The following DLG2 variants were observed in gnomAD, a reference collection of about 807,000 sequenced individuals.
The protein encoded by DLG2 is discs large MAGUK scaffold protein 2.
In DLG2, 45 loss-of-function variants were observed where a neutral mutation model predicts 132.5. The ratio of observed to expected loss-of-function variants is 0.34; its 90% confidence interval spans 0.27 to 0.44. The LOEUF is 0.44. Ranked by LOEUF, DLG2 falls within the 20% of genes least tolerant of loss-of-function variation. DLG2 has a pLI of 1.00. For synonymous variants in DLG2, 424 were observed against 419.6 expected (o/e 1.01, Z -0.13); for missense variants, 1,045 against 1,196.9 (o/e 0.87, Z 1.87).
At chr11:85,178,512 A>T (rs954429650) in intron 4 of DLG2, among the ~76,000 whole-genome samples, 3 of 152,008 alleles carry the variant, frequency 2.0e-5, no homozygotes, top group Non-Finnish European at 4.4e-5. Flanking sequence ...TAGCAAAATT[A>T]GTAATCAGAA....
At chr11:84,591,217 G>GTCTC (rs200688383) in intron 6 of DLG2, among the ~76,000 whole-genome samples, 3 of 138,390 alleles carry the variant, frequency 2.2e-5, no homozygotes, top group Non-Finnish European at 4.6e-5. Context: ...CTATATATGT[G>GTCTC]TCTCTCTGTG....
chr11:85,430,838 G>T (rs1264185993), intron 3 of DLG2, among the ~76,000 whole-genome samples: 1 of 115,744 alleles, frequency 8.6e-6, no homozygotes, highest in Non-Finnish European at 1.8e-5. Context: ...TAATGGAAAA[G>T]CTAGCCAGTC....
intron 6 of DLG2, among the ~76,000 whole-genome samples, chr11:84,704,571 A>C (rs1596103137): frequency 6.6e-6 from 1 of 151,560 alleles, no homozygotes; most frequent in Non-Finnish European, 1.5e-5. Flanking sequence ...GTAAAGATAT[A>C]CATAAATAAG....
intron 22 of DLG2, among the ~76,000 whole-genome samples, chr11:83,477,488 C>A (rs1267275729): frequency 6.6e-6 from 1 of 151,994 alleles, no homozygotes; most frequent in Non-Finnish European, 1.5e-5. Flanking sequence ...TTGTGTGTAT[C>A]TATGTGTGTG....
chr11:84,532,547 G>C (rs1385975216), intron 7 of DLG2, among the ~76,000 whole-genome samples: 1 of 152,084 alleles, frequency 6.6e-6, no homozygotes, highest in African/African-American at 2.4e-5. Context: ...CCAGGCTGTA[G>C]TGCAGTGGCG....
At chr11:84,843,499 C>A (rs1224436407) in intron 6 of DLG2, among the ~76,000 whole-genome samples, 1 of 151,888 alleles carries the variant, frequency 6.6e-6, no homozygotes, top group African/African-American at 2.4e-5. Flanking sequence ...CCATCATCAT[C>A]ATCATTATTC....
chr11:84,317,417 T>C, intron 7 of DLG2: 4 of 1,257,886 alleles, frequency 3.2e-6, no homozygotes, highest in Non-Finnish European at 3.1e-6. Context: ...GCAGAAGCAA[T>C]CAATGCTCCA....
chr11:85,276,787 C>T (rs2077918049), intron 4 of DLG2, among the ~76,000 whole-genome samples: 1 of 152,118 alleles, frequency 6.6e-6, no homozygotes, highest in Non-Finnish European at 1.5e-5. Flanking sequence ...ACTTCATAAA[C>T]ATTTATTGAA....
intron 3 of DLG2, among the ~76,000 whole-genome samples, chr11:85,524,394 TTAAAAA>T (rs2074577999): frequency 1.3e-5 from 2 of 151,430 alleles, no homozygotes; most frequent in South Asian, 4.2e-4. Flanking sequence ...CCCACAAAAA[TTAAAAA>T]TAAAAATAAA....
At chr11:84,153,573 G>A (rs2095357106) in intron 9 of DLG2, among the ~76,000 whole-genome samples, 1 of 151,960 alleles carries the variant, frequency 6.6e-6, no homozygotes, top group African/African-American at 2.4e-5. Flanking sequence ...TTGTCTGACT[G>A]TGTTGATTCA....
At chr11:84,947,323 T>C (rs762541411) in intron 6 of DLG2, among the ~76,000 whole-genome samples, 56 of 152,216 alleles carry the variant, frequency 3.7e-4, no homozygotes, top group Non-Finnish European at 6.6e-4. Context: ...CCACTGCCTC[T>C]TCCCAATAGA....
chr11:84,998,788 A>G (rs2057932586), intron 6 of DLG2, among the ~76,000 whole-genome samples: 1 of 151,938 alleles, frequency 6.6e-6, no homozygotes. Context: ...CCAACTGCCC[A>G]CCATGTATGG....
chr11:85,500,234 C>G (rs1397892963), intron 3 of DLG2, among the ~76,000 whole-genome samples: 1 of 152,052 alleles, frequency 6.6e-6, no homozygotes, highest in South Asian at 2.1e-4. Flanking sequence ...AGTTAATAAG[C>G]AACTTCAGCA....
At chr11:83,663,268 T>C (rs774837217) in intron 18 of DLG2, among the ~76,000 whole-genome samples, 17 of 152,072 alleles carry the variant, frequency 1.1e-4, no homozygotes, top group Non-Finnish European at 1.9e-4. Context: ...GATCTGAGAG[T>C]AGAGCCCTGG....
intron 19 of DLG2, among the ~76,000 whole-genome samples, chr11:83,553,986 C>A (rs772058153): frequency 6.7e-6 from 1 of 150,198 alleles, no homozygotes; most frequent in Non-Finnish European, 1.5e-5. Context: ...AACTTGAACT[C>A]TGGGGCTCAA....
intron 7 of DLG2, among the ~76,000 whole-genome samples, chr11:84,307,209 C>T (rs1199044510): frequency 6.6e-6 from 1 of 152,180 alleles, no homozygotes; most frequent in African/African-American, 2.4e-5. Context: ...AACATAGATG[C>T]AGCTGGAGGT....
At chr11:85,383,897 A>C (rs1198821607) in intron 3 of DLG2, among the ~76,000 whole-genome samples, 1 of 152,064 alleles carries the variant, frequency 6.6e-6, no homozygotes, top group Non-Finnish European at 1.5e-5. Flanking sequence ...GGCTTTCTTA[A>C]ATGTGCTCCA....
At chr11:85,067,078 A>G (rs1198462828) in intron 6 of DLG2, among the ~76,000 whole-genome samples, 1 of 151,684 alleles carries the variant, frequency 6.6e-6, no homozygotes, top group East Asian at 1.9e-4. Context: ...CACTACATTA[A>G]AAAGACCTGC....
chr11:84,197,972 A>G (rs1394295810), intron 8 of DLG2, among the ~76,000 whole-genome samples: 1 of 152,186 alleles, frequency 6.6e-6, no homozygotes, highest in African/African-American at 2.4e-5. Flanking sequence ...TTCATCTTTA[A>G]AAAGTATTTT....
Sources: allele counts gnomAD v4.1 joint callset (sites outside exome capture counted in the v4.1 genomes callset), GRCh38; gene constraint gnomAD v4.1.1; transcripts MANE v1.5; gene names NCBI Gene and HGNC (gene_info 2026-07-23, HGNC 2026-07-21).